The following SLIT3 variants were observed in gnomAD, a reference collection of about 807,000 sequenced individuals.
SLIT3 encodes slit guidance ligand 3, also known as slit homolog 3 protein.
SLIT3 carries 68 observed loss-of-function variants against 184.0 expected under a neutral mutation model. The observed-to-expected ratio is 0.37, with a 90% CI of 0.30 to 0.45. The LOEUF (loss-of-function observed/expected upper bound fraction) is 0.45. Among genes scored for constraint, SLIT3 ranks in the 20% least tolerant of loss-of-function variants. The pLI is 1.00. For missense variants in SLIT3, 1,707 were observed against 2,026.0 expected (o/e 0.84, Z 3.02); for synonymous variants, 831 against 828.6 (o/e 1.00, Z -0.05).
chr5:169,004,064 C>A (rs780838056), intron 4 of SLIT3, among the ~76,000 whole-genome samples: 17 of 152,078 alleles, frequency 1.1e-4, no homozygotes, highest in Admixed American at 2.0e-4. Flanking sequence ...CATGAAGGCC[C>A]TTCTTTTCTT....
chr5:169,081,121 G>C (rs1471990125), intron 4 of SLIT3, among the ~76,000 whole-genome samples: 4 of 152,168 alleles, frequency 2.6e-5, no homozygotes, highest in Admixed American at 6.5e-5. Flanking sequence ...GCACAATCAC[G>C]AAAGGCCTGG....
chr5:169,204,200 G>C (rs1163052534), intron 3 of SLIT3, among the ~76,000 whole-genome samples: 3 of 152,110 alleles, frequency 2.0e-5, no homozygotes, highest in Admixed American at 2.0e-4. Context: ...AGGGAGATAG[G>C]GAGGGAGGGA....
In SLIT3 at chr5:169,262,815, T is replaced by C. The variant is rs542732043; in HGVS notation, c.198-11356A>G. On this transcript the variant is annotated intron_variant, in intron 1 of 35. Coordinates refer to ENST00000519560, the MANE Select transcript of SLIT3 (RefSeq NM_003062.4). ...GTGCTAGGCACTTCATTGGCACATA[T>C]GTTCCTGCTGTCTGTATGCTGGCCT... Among the ~76,000 whole-genome samples, 21 of 152,328 alleles carry C rather than the reference T, an allele frequency of 1.4e-4. No homozygotes were observed. In the South Asian group the frequency reaches 4.4e-3, roughly 32 times the overall value.
Position 168,823,248 on chromosome 5 carries a change from C to T in SLIT3, c.629+12G>A. 5 of 1,610,198 alleles carry T rather than the reference C, an allele frequency of 3.1e-6. No homozygotes were observed. The highest frequency in any genetic ancestry group is 4.3e-6 in the Non-Finnish European group (5 of 1,176,436). ...GGAGAAAATGGGAGAGATGCACAGA[C>T]TTCTTACTCACAGAGTTCGGATCTT... On this transcript the variant is annotated intron_variant, in intron 7 of 35. Transcript: ENST00000519560.
chr5:169,028,427 A>AT (rs1756909881), intron 4 of SLIT3, among the ~76,000 whole-genome samples: 1 of 152,180 alleles, frequency 6.6e-6, no homozygotes, highest in African/African-American at 2.4e-5. Flanking sequence ...ACTGAGATGA[A>AT]TTCTCTTGTC....
Position 168,663,388 on chromosome 5 carries a change from A to G in SLIT3, c.*3066T>C, listed in dbSNP as rs1760935120. 1 of 152,278 alleles carries G rather than the reference A, an allele frequency of 6.6e-6. No individual in the cohort carries two copies. Among genetic ancestry groups the G allele is most frequent in the Non-Finnish European group, 1.5e-5 (1 of 68,114 alleles). 9.4% of individuals were successfully genotyped at this position (152,278 alleles called of 1,614,324 possible). On this transcript the variant is annotated 3_prime_UTR_variant, in exon 36 of 36. Coordinates refer to ENST00000519560, the MANE Select transcript of SLIT3 (RefSeq NM_003062.4). ...TCAAGAGCAGAGCTTCTAAGCTACCATAGACATTTGTGATCCATCTGGCCG... is the reference window on the plus strand; with the variant it reads ...TCAAGAGCAGAGCTTCTAAGCTACCGTAGACATTTGTGATCCATCTGGCCG...
intron 5 of SLIT3, among the ~76,000 whole-genome samples, chr5:168,865,087 G>C (rs976615629): frequency 2.1e-5 from 3 of 143,530 alleles, no homozygotes; most frequent in African/African-American, 7.8e-5. Flanking sequence ...AGAATCAATT[G>C]AACCTGGGAG....
intron 4 of SLIT3, among the ~76,000 whole-genome samples, chr5:168,970,013 C>G (rs1053220241): frequency 2.6e-5 from 4 of 152,158 alleles, no homozygotes; most frequent in African/African-American, 7.2e-5. Flanking sequence ...AACCCCTTCT[C>G]TACTGAAAAT....
chr5:168,828,199 G>A (rs934235873), intron 6 of SLIT3, among the ~76,000 whole-genome samples: 1 of 152,196 alleles, frequency 6.6e-6, no homozygotes, highest in South Asian at 2.1e-4. Flanking sequence ...TCCTACCTTG[G>A]AAGATCAGTC....
At chr5:169,291,573 AG>A in intron 1 of SLIT3, among the ~76,000 whole-genome samples, 1 of 152,294 alleles carries the variant, frequency 6.6e-6, no homozygotes, top group Admixed American at 6.5e-5. Context: ...TCCAATACAA[AG>A]GCCACCTATT....
intron 12 of SLIT3, among the ~76,000 whole-genome samples, chr5:168,783,260 C>T (rs1272555613): frequency 3.3e-5 from 4 of 119,528 alleles, no homozygotes; most frequent in Non-Finnish European, 4.9e-5. Flanking sequence ...CTTGTGGATG[C>T]ACTTGCCGCA....
intron 18 of SLIT3, among the ~76,000 whole-genome samples, chr5:168,751,215 C>T (rs930931279): frequency 6.6e-6 from 1 of 152,126 alleles, no homozygotes; most frequent in Admixed American, 6.5e-5. Flanking sequence ...GCCTTTAGGC[C>T]CTCCTCTAAC....
At chr5:169,241,111 C>T (rs1454795557) in intron 3 of SLIT3, among the ~76,000 whole-genome samples, 1 of 152,120 alleles carries the variant, frequency 6.6e-6, no homozygotes, top group Non-Finnish European at 1.5e-5. Flanking sequence ...ATCAGGGCAG[C>T]TGTCTCAAAG....
chr5:169,235,803 G>T (rs958426451), intron 3 of SLIT3, among the ~76,000 whole-genome samples: 2 of 152,290 alleles, frequency 1.3e-5, no homozygotes, highest in African/African-American at 4.8e-5. Context: ...TGGGTTTCGG[G>T]GAGGAAGATC....
At position 168,883,211 on chromosome 5, in the gene SLIT3, T is replaced by C. The variant is rs917649730; in HGVS notation, c.485+54A>G. 6.9e-5 allele frequency: 101 copies of C among 1,456,480 alleles called. 1 individual carries two copies. The South Asian group carries it at 1.1e-3, about 16-fold the overall frequency. The allele number at this position is 1,456,480 out of a possible 1,614,324, so 90.2% of individuals were successfully genotyped here. A position where few individuals can be genotyped will look rare whatever the true frequency, so the allele number is the denominator to read the frequency against. On this transcript the variant is annotated intron_variant, in intron 5 of 35. Transcript: ENST00000519560. ...GTCCCATCCCTCACCCTCACTCTGG[T>C]CAGAGAGCCCAAGTTAGCCACATAC... is the stretch of plus-strand genomic sequence containing the variant.
intron 17 of SLIT3, 88 bp from the exon 18 acceptor site, chr5:168,753,186 G>A (rs1447858428): frequency 1.5e-5 from 21 of 1,421,750 alleles, no homozygotes; most frequent in South Asian, 3.9e-5. Context: ...GTGTGTATAG[G>A]TGAGATGCTT....
At chr5:168,841,567 T>A (rs1384222563) in intron 6 of SLIT3, among the ~76,000 whole-genome samples, 1 of 151,810 alleles carries the variant, frequency 6.6e-6, no homozygotes, top group African/African-American at 2.4e-5. Flanking sequence ...CAGATTTCAG[T>A]CTTTCCCAAC....
chr5:168,947,385 C>T (rs928706770), intron 4 of SLIT3, among the ~76,000 whole-genome samples: 13 of 152,138 alleles, frequency 8.5e-5, no homozygotes, highest in Admixed American at 7.9e-4. Context: ...GGAGAGCCAC[C>T]GTCTGCCGCC....
chr5:169,260,633 C>A (rs1012681123), intron 1 of SLIT3, among the ~76,000 whole-genome samples: 1 of 152,140 alleles, frequency 6.6e-6, no homozygotes, highest in African/African-American at 2.4e-5. Flanking sequence ...GAAACATACC[C>A]ACACCTCTGA....
Sources: allele counts gnomAD v4.1 joint callset (sites outside exome capture counted in the v4.1 genomes callset), GRCh38; gene constraint gnomAD v4.1.1; transcripts MANE v1.5; gene names NCBI Gene and HGNC (gene_info 2026-07-23, HGNC 2026-07-21).